S100B: variants seen among roughly 807,000 people sequenced by gnomAD.
S100B encodes protein S100-B.
Under a neutral mutation model 7.7 loss-of-function variants are expected in S100B, and 6 were observed. The ratio of observed to expected loss-of-function variants is 0.78; its 90% CI spans 0.43 to 1.54. The LOEUF (loss-of-function observed/expected upper bound fraction) is 1.54, where lower values mean the gene tolerates loss of function less well. Ranked by LOEUF, S100B falls within the 40% of genes most tolerant of loss-of-function variation. The pLI is 0.01. For synonymous variants in S100B, 36 were observed against 40.4 expected (o/e 0.89, Z 0.41); for missense variants, 99 against 111.8 (o/e 0.89, Z 0.52).
chr21:46,602,895 A>C (rs1034779965), intron 1 of S100B: 1 of 154,962 alleles, frequency 6.5e-6, no homozygotes, highest in African/African-American at 2.4e-5. Context: ...TAGGAGCAAA[A>C]TAAGAAGACA....
rs2061034692 is a variant in S100B at position 46,599,243 on chromosome 21, G to T, written c.*120C>A. ...ATTTTTCAATCACAAAGCAAATCAA[G>T]CTTCCTAATTAGCTACAACACGGCT... is the stretch of plus-strand genomic sequence containing the variant. On this transcript the variant is annotated 3_prime_UTR_variant, in exon 3 of 3. Transcript: ENST00000291700. 1 of 904,900 alleles carries T rather than the reference G, an allele frequency of 1.1e-6. No homozygotes were observed. Among genetic ancestry groups the T allele is most frequent in the Non-Finnish European group, 1.7e-6 (1 of 580,052 alleles). 56.1% of individuals were successfully genotyped at this position (904,900 alleles called of 1,614,324 possible).
chr21:46,603,398 T>TGGGGGGAGGGGGGGGCGGGGGGGGC, intron 1 of S100B, among the ~76,000 whole-genome samples: 1 of 52,068 alleles, frequency 1.9e-5, no homozygotes, highest in African/African-American at 7.1e-5. Flanking sequence ...CGGGAGGGGG[T>TGGGGGGAGGGGGGGGCGGGGGGGGC]GGGGGCAGGA....
intron 2 of S100B, among the ~76,000 whole-genome samples, chr21:46,601,842 T>C (rs1744791928): frequency 6.6e-6 from 1 of 152,238 alleles, no homozygotes; most frequent in Non-Finnish European, 1.5e-5. Context: ...CAGTTCTTAA[T>C]TAGTGCTCAG....
Position 46,600,702 on chromosome 21 carries a change from A to G in S100B, c.139-1199T>C, listed in dbSNP as rs1044139465. Among the ~76,000 whole-genome samples the G allele has an allele frequency of 7.2e-5, 11 of 152,314 alleles. No homozygotes were observed. In the East Asian group the frequency reaches 2.1e-3, roughly 29 times the overall value. On this transcript the variant is annotated intron_variant, in intron 2 of 2. Transcript: ENST00000291700. ...TTACCTTGATAAAACAGGGCAGCAA[A>G]TGTTTGTGATGCCTTGAAATGCTTA...
At chr21:46,602,688 C>T in intron 1 of S100B, 1 of 313,068 alleles carries the variant, frequency 3.2e-6, no homozygotes, top group Non-Finnish European at 5.9e-6. Flanking sequence ...TGAATTCTGG[C>T]TGGGTTGGGC....
chr21:46,602,453 T>C (rs759081547), intron 1 of S100B, 37 bp from the exon 2 acceptor site: 2 of 1,600,832 alleles, frequency 1.2e-6, no homozygotes, highest in East Asian at 2.2e-5. Context: ...TTCTCATCTA[T>C]ACCTCATCCT....
chr21:46,601,936 T>C (rs1379863831), intron 2 of S100B, among the ~76,000 whole-genome samples: 1 of 152,276 alleles, frequency 6.6e-6, no homozygotes, highest in Non-Finnish European at 1.5e-5. Flanking sequence ...ATATATCCTT[T>C]TCCTAAAAAC....
chr21:46,600,979 T>C (rs1454414684), intron 2 of S100B, among the ~76,000 whole-genome samples: 5 of 152,152 alleles, frequency 3.3e-5, no homozygotes, highest in Admixed American at 2.0e-4. Context: ...CTCTGTCGGC[T>C]TGAATGCCTG....
At chr21:46,603,916 AT>A (rs540844145) in intron 1 of S100B, among the ~76,000 whole-genome samples, 44 of 152,310 alleles carry the variant, frequency 2.9e-4, no homozygotes, top group Middle Eastern at 3.4e-3. Flanking sequence ...ATGCTTTCTT[AT>A]TCTTTGCACT....
At chr21:46,603,981 AC>A (rs1429151899) in intron 1 of S100B, among the ~76,000 whole-genome samples, 1 of 152,212 alleles carries the variant, frequency 6.6e-6, no homozygotes, top group African/African-American at 2.4e-5. Context: ...ATTTTTTTAA[AC>A]AAAACAAGAC....
At chr21:46,601,283 C>T (rs1270246399) in intron 2 of S100B, among the ~76,000 whole-genome samples, 2 of 152,184 alleles carry the variant, frequency 1.3e-5, no homozygotes, top group African/African-American at 2.4e-5. Flanking sequence ...GACACTAGTG[C>T]GCTGGCTCAT....
In S100B at chr21:46,599,051, G is replaced by A; in HGVS notation, c.*312C>T. 3.1e-6 allele frequency: 1 copy of A among 324,640 alleles called. No homozygotes were observed. The highest frequency in any genetic ancestry group is 6.2e-5 in the South Asian group (1 of 16,022). 20.1% of individuals were successfully genotyped at this position (324,640 alleles called of 1,614,324 possible). The stretch of plus-strand genomic sequence containing the variant: ...GTAGTCAGGGTTCCCTCCGGGTTAG[G>A]GTCTACACGGCCATGGCGGGCTGCA... On this transcript the variant is annotated 3_prime_UTR_variant, in exon 3 of 3. Transcript: ENST00000291700.
At chr21:46,603,398 T>TGGGGGGAGGGGGGAGGCGGGGGGGGGGG in intron 1 of S100B, among the ~76,000 whole-genome samples, 2 of 52,068 alleles carry the variant, frequency 3.8e-5, no homozygotes, top group Non-Finnish European at 3.8e-5. Flanking sequence ...CGGGAGGGGG[T>TGGGGGGAGGGGGGAGGCGGGGGGGGGGG]GGGGGCAGGA....
Position 46,599,082 on chromosome 21 carries a change from C to T in S100B, c.*281G>A. 2.2e-6 allele frequency: 1 copy of T among 453,022 alleles called. No individual in the cohort carries two copies. Among genetic ancestry groups the T allele is most frequent in the Non-Finnish European group, 3.9e-6 (1 of 256,374 alleles). 28.1% of individuals were successfully genotyped at this position (453,022 alleles called of 1,614,324 possible). The stretch of plus-strand genomic sequence containing the variant: ...CACGGCCATGGCGGGCTGCACGGTG[C>T]ACGCTTTATCACTGAGACCTGACTC... On this transcript the variant is annotated 3_prime_UTR_variant, in exon 3 of 3. Coordinates refer to ENST00000291700, the MANE Select transcript of S100B (RefSeq NM_006272.3).
At chr21:46,603,392 A>AGGGGGGGACGGG (rs1555923741) in intron 1 of S100B, among the ~76,000 whole-genome samples, 1 of 38,206 alleles carries the variant, frequency 2.6e-5, no homozygotes, top group Non-Finnish European at 4.9e-5. Context: ...GGACGGCGGG[A>AGGGGGGGACGGG]GGGGGTGGGG....
In S100B at chr21:46,599,257, T is replaced by C. The variant is rs527807137; in HGVS notation, c.*106A>G. Reference sequence around the variant, plus strand: ...AAGCAAATCAAGCTTCCTAATTAGCTACAACACGGCTGGAAAGCTCAGCTC... The same window carrying C: ...AAGCAAATCAAGCTTCCTAATTAGCCACAACACGGCTGGAAAGCTCAGCTC... On this transcript the variant is annotated 3_prime_UTR_variant, in exon 3 of 3. Coordinates refer to ENST00000291700, the MANE Select transcript of S100B (RefSeq NM_006272.3). The C allele has an allele frequency of 9.6e-7, 1 of 1,036,282 alleles. No homozygotes were observed. The highest frequency in any genetic ancestry group is 1.4e-6 in the Non-Finnish European group (1 of 693,532). 64.2% of individuals were successfully genotyped at this position (1,036,282 alleles called of 1,614,324 possible). A position where few individuals can be genotyped will look rare whatever the true frequency, so the allele number is the denominator to read the frequency against.
At chr21:46,604,897 A>G (rs1257546869) in intron 1 of S100B, 116 bp downstream of exon 1, 1 of 152,214 alleles carries the variant, frequency 6.6e-6, no homozygotes, top group African/African-American at 2.4e-5. Flanking sequence ...AATGCTGCCA[A>G]TTGTCCTAAA....
At position 46,599,506 on chromosome 21, in the gene S100B, A is replaced by C; in HGVS notation, c.139-3T>G. The C allele has an allele frequency of 6.2e-7, 1 of 1,614,006 alleles. No individual in the cohort carries two copies. Among genetic ancestry groups the C allele is most frequent in the East Asian group, 2.2e-5 (1 of 44,880 alleles). On this transcript the variant is annotated splice_polypyrimidine_tract_variant and splice_region_variant and intron_variant, in intron 2 of 2. Transcript: ENST00000291700. Reference sequence around the variant, plus strand: ...ACAACCTCCTGCTCTTTGATTTCCTAAGAGAGATAAAAGGAGTTGCCGACC... The same window carrying C: ...ACAACCTCCTGCTCTTTGATTTCCTCAGAGAGATAAAAGGAGTTGCCGACC...
At chr21:46,604,252 G>A (rs2061051174) in intron 1 of S100B, among the ~76,000 whole-genome samples, 1 of 152,122 alleles carries the variant, frequency 6.6e-6, no homozygotes, top group Non-Finnish European at 1.5e-5. Context: ...TATCTTTTAA[G>A]AGAAATGGAA....
Sources: allele counts gnomAD v4.1 joint callset (sites outside exome capture counted in the v4.1 genomes callset), GRCh38; gene constraint gnomAD v4.1.1; transcripts MANE v1.5; gene names NCBI Gene and HGNC (gene_info 2026-07-23, HGNC 2026-07-21).